CSMD1: variants seen among roughly 807,000 people sequenced by gnomAD.
CSMD1 encodes CUB and Sushi multiple domains 1.
In CSMD1, 213 loss-of-function variants were observed where a neutral mutation model predicts 417.5. The ratio of observed to expected loss-of-function variants is 0.51; its 90% CI spans 0.46 to 0.57. CSMD1 has a LOEUF of 0.57. Ranked by LOEUF, CSMD1 falls within the 20% of genes least tolerant of loss-of-function variation. CSMD1 has a pLI of 0.00. For synonymous variants in CSMD1, 2,862 were observed against 1,736.8 expected, an observed-to-expected ratio of 1.65 and a Z score of -16.11; for missense variants, 6,923 against 4,529.7, an observed-to-expected ratio of 1.53 and a Z score of -15.17.
At chr8:4,100,458 C>G (rs759762829) in intron 3 of CSMD1, among the ~76,000 whole-genome samples, 21 of 152,108 alleles carry the variant, frequency 1.4e-4, no homozygotes, top group Non-Finnish European at 2.5e-4. Flanking sequence ...CCTTTTATCT[C>G]CAAATGTTGC....
At chr8:3,963,015 C>T (rs568754330) in intron 5 of CSMD1, among the ~76,000 whole-genome samples, 6 of 152,102 alleles carry the variant, frequency 3.9e-5, no homozygotes, top group Non-Finnish European at 5.9e-5. Context: ...CGGCTCACTG[C>T]AACCTCTGCC....
intron 53 of CSMD1, among the ~76,000 whole-genome samples, chr8:2,999,335 T>G (rs1807193571): frequency 6.6e-6 from 1 of 152,092 alleles, no homozygotes; most frequent in African/African-American, 2.4e-5. Context: ...ATTGTATTTT[T>G]AGTAGAAATG....
chr8:4,200,575 TGGCG>T (rs377002604), intron 3 of CSMD1, among the ~76,000 whole-genome samples: 37 of 149,468 alleles, frequency 2.5e-4, no homozygotes, highest in African/African-American at 9.4e-4. Context: ...TTATAAATCT[TGGCG>T]GGCCTGGAGG....
At chr8:3,328,055 G>A (rs554471331) in intron 23 of CSMD1, among the ~76,000 whole-genome samples, 1 of 152,160 alleles carries the variant, frequency 6.6e-6, no homozygotes. Context: ...TCTAAAGCAG[G>A]TAAAGCCATC....
chr8:3,550,239 T>C (rs573339245), intron 10 of CSMD1, among the ~76,000 whole-genome samples: 1 of 152,116 alleles, frequency 6.6e-6, no homozygotes, highest in Non-Finnish European at 1.5e-5. Context: ...TTAGAATACA[T>C]CCTATGTCTC....
chr8:4,950,814 T>C (rs1220901089), intron 1 of CSMD1, among the ~76,000 whole-genome samples: 1 of 152,100 alleles, frequency 6.6e-6, no homozygotes, highest in Non-Finnish European at 1.5e-5. Flanking sequence ...TCAACCACTC[T>C]TGGTGACCAT....
At chr8:3,308,235 A>G in intron 24 of CSMD1, 77 bp downstream of exon 24, 2 of 1,120,944 alleles carry the variant, frequency 1.8e-6, no homozygotes, top group Non-Finnish European at 2.6e-6. Context: ...TTTTCCAATA[A>G]AGGAAGTCAA....
intron 12 of CSMD1, among the ~76,000 whole-genome samples, chr8:3,449,317 A>C (rs1284884301): frequency 1.3e-5 from 2 of 152,190 alleles, no homozygotes; most frequent in African/African-American, 2.4e-5. Flanking sequence ...ATGTGAATCC[A>C]AATCAGCACA....
chr8:3,653,481 AT>A (rs1797959490), intron 7 of CSMD1, among the ~76,000 whole-genome samples: 1 of 151,946 alleles, frequency 6.6e-6, no homozygotes, highest in East Asian at 1.9e-4. Flanking sequence ...GCTATTTTTC[AT>A]ATTTTTAATA....
intron 5 of CSMD1, among the ~76,000 whole-genome samples, chr8:3,840,699 T>A (rs1043791266): frequency 8.6e-5 from 13 of 150,846 alleles, no homozygotes; most frequent in Middle Eastern, 3.4e-3. Context: ...TTTAATTTTT[T>A]TTTTTTTTTT....
chr8:3,870,890 T>C (rs539997200), intron 5 of CSMD1, among the ~76,000 whole-genome samples: 1 of 152,218 alleles, frequency 6.6e-6, no homozygotes, highest in South Asian at 2.1e-4. Flanking sequence ...TAATGTTCCG[T>C]TTGCTAGCTT....
chr8:4,342,844 T>C (rs991360305), intron 3 of CSMD1, among the ~76,000 whole-genome samples: 6 of 151,788 alleles, frequency 4.0e-5, no homozygotes, highest in Admixed American at 3.3e-4. Flanking sequence ...AGGAAGTGAG[T>C]CACCCTAGAT....
intron 4 of CSMD1, among the ~76,000 whole-genome samples, chr8:4,029,609 G>C (rs72624005): frequency 0.15 from 22,267 of 152,080 alleles, 2,294 homozygotes; most frequent in East Asian, 0.36. Flanking sequence ...TGCAATTCAA[G>C]ATGAGGTTTT....
chr8:3,997,196 A>G (rs184173634), intron 5 of CSMD1, among the ~76,000 whole-genome samples: 2 of 152,326 alleles, frequency 1.3e-5, no homozygotes, highest in East Asian at 3.9e-4. Context: ...CAAGATAGAA[A>G]TTAAGGCCTT....
chr8:3,647,083 C>G (rs1014821055), intron 7 of CSMD1, among the ~76,000 whole-genome samples: 4 of 152,122 alleles, frequency 2.6e-5, no homozygotes, highest in Non-Finnish European at 5.9e-5. Context: ...AGTGGAGAGT[C>G]CAGCCCTTGT....
intron 5 of CSMD1, among the ~76,000 whole-genome samples, chr8:3,768,063 C>G (rs547773704): frequency 6.6e-6 from 1 of 152,142 alleles, no homozygotes; most frequent in African/African-American, 2.4e-5. Context: ...CGAGTATAGA[C>G]AGCTACGGTC....
chr8:4,696,713 T>C (rs942301821), intron 1 of CSMD1, among the ~76,000 whole-genome samples: 1 of 152,210 alleles, frequency 6.6e-6, no homozygotes, highest in Non-Finnish European at 1.5e-5. Flanking sequence ...AAGGACTTTA[T>C]CTATTTCACT....
At chr8:3,428,554 C>G (rs1203578056) in intron 12 of CSMD1, among the ~76,000 whole-genome samples, 3 of 152,116 alleles carry the variant, frequency 2.0e-5, no homozygotes, top group African/African-American at 7.2e-5. Flanking sequence ...CTGACCATAC[C>G]AAATGTCAGC....
chr8:4,507,277 A>C (rs965135389), intron 2 of CSMD1, among the ~76,000 whole-genome samples: 7 of 152,176 alleles, frequency 4.6e-5, no homozygotes, highest in Non-Finnish European at 1.0e-4. Flanking sequence ...TCTAAAAACT[A>C]TTTTCATTAA....
Sources: gnomAD v4.1 joint callset for allele counts (sites outside exome capture counted in the v4.1 genomes callset) on GRCh38, gnomAD v4.1.1 for gene constraint, MANE v1.5 for transcripts, NCBI Gene and HGNC (gene_info 2026-07-23, HGNC 2026-07-21) for gene names.